The following RBFOX1 variants were observed in gnomAD, a reference collection of about 807,000 sequenced individuals.
RBFOX1 encodes the protein RNA binding protein fox-1 homolog 1.
In RBFOX1, 8 loss-of-function variants were observed where a neutral mutation model predicts 57.7. That is an observed-to-expected ratio of 0.14 (90% CI 0.08 to 0.25). The LOEUF is 0.25. Among genes scored for constraint, RBFOX1 ranks in the 10% least tolerant of loss-of-function variants. RBFOX1 has a pLI of 1.00. For missense variants in RBFOX1, 611 were observed against 548.5 expected (o/e 1.11, Z -1.14); for synonymous variants, 326 against 222.4 (o/e 1.47, Z -4.15).
chr16:6,731,110 C>T (rs1325859986), intron 3 of RBFOX1, among the ~76,000 whole-genome samples: 1 of 152,072 alleles, frequency 6.6e-6, no homozygotes, highest in Admixed American at 6.5e-5. Context: ...ATATTCCTCC[C>T]TTGGAAAGCC....
At chr16:6,928,190 TA>T (rs1385242207) in intron 3 of RBFOX1, among the ~76,000 whole-genome samples, 1 of 152,116 alleles carries the variant, frequency 6.6e-6, no homozygotes, top group Non-Finnish European at 1.5e-5. Context: ...TGGGGAGTGT[TA>T]GAAAAGATTG....
chr16:7,165,657 G>A (rs1002001292), intron 4 of RBFOX1, among the ~76,000 whole-genome samples: 1 of 151,658 alleles, frequency 6.6e-6, no homozygotes, highest in African/African-American at 2.4e-5. Flanking sequence ...TCAAACTCCC[G>A]ATCTCAGGTG....
chr16:6,885,616 C>T (rs915593842), intron 3 of RBFOX1, among the ~76,000 whole-genome samples: 6 of 152,068 alleles, frequency 3.9e-5, no homozygotes, highest in Non-Finnish European at 8.8e-5. Flanking sequence ...ACTGCCACCT[C>T]TGCCTCCTGA....
rs1308377042 is a variant in RBFOX1, at chr16:5,680,124, G to A, written c.318+81163G>A. On this transcript the variant is annotated intron_variant, in intron 3 of 19. Transcript: ENST00000641259. ...TCAGAAGAGGGACATCATGAGACTGGCAGAGGAGAAGGAAGATATGTGTGG... is the reference window on the plus strand; with the variant it reads ...TCAGAAGAGGGACATCATGAGACTGACAGAGGAGAAGGAAGATATGTGTGG... Among the ~76,000 whole-genome samples, 3 of 152,184 alleles carry A rather than the reference G, an allele frequency of 2.0e-5. No homozygotes were observed. In the East Asian group the frequency reaches 5.8e-4, roughly 29 times the overall value.
intron 4 of RBFOX1, among the ~76,000 whole-genome samples, chr16:7,506,561 A>G (rs2073367383): frequency 6.6e-6 from 1 of 151,762 alleles, no homozygotes; most frequent in Non-Finnish European, 1.5e-5. Flanking sequence ...CATCACCATC[A>G]CCATTATTAC....
intron 3 of RBFOX1, among the ~76,000 whole-genome samples, chr16:5,737,520 C>A (rs1478408705): frequency 7.3e-6 from 1 of 136,626 alleles, no homozygotes. Context: ...CAAAAATATT[C>A]TGGATTTTTT....
intron 3 of RBFOX1, among the ~76,000 whole-genome samples, chr16:7,018,577 CT>C (rs1245459598): frequency 6.6e-6 from 1 of 152,052 alleles, no homozygotes; most frequent in Non-Finnish European, 1.5e-5. Flanking sequence ...ATTTATAATC[CT>C]TTGGGTATTT....
chr16:6,821,584 G>A (rs574883339), intron 3 of RBFOX1, among the ~76,000 whole-genome samples: 2 of 152,214 alleles, frequency 1.3e-5, no homozygotes, highest in East Asian at 3.9e-4. Context: ...GTAACCACTG[G>A]TCGGTCTGTC....
At chr16:5,703,441 A>G (rs1341976525) in intron 3 of RBFOX1, among the ~76,000 whole-genome samples, 1 of 152,238 alleles carries the variant, frequency 6.6e-6, no homozygotes, top group Admixed American at 6.5e-5. Context: ...ACTGGAGCCC[A>G]GAGGGCAAGC....
At chr16:6,669,718 C>CA (rs1294356417) in intron 3 of RBFOX1, among the ~76,000 whole-genome samples, 3 of 152,184 alleles carry the variant, frequency 2.0e-5, no homozygotes, top group Non-Finnish European at 4.4e-5. Context: ...ATTTCCTTTT[C>CA]AACTGAAAGG....
chr16:7,095,202 T>C (rs1194831963), intron 4 of RBFOX1, among the ~76,000 whole-genome samples: 1 of 152,180 alleles, frequency 6.6e-6, no homozygotes, highest in Non-Finnish European at 1.5e-5. Flanking sequence ...AGTGGCACGA[T>C]CTCAGCTCAC....
intron 2 of RBFOX1, among the ~76,000 whole-genome samples, chr16:5,526,819 G>A (rs1210558668): frequency 6.6e-6 from 1 of 152,134 alleles, no homozygotes; most frequent in African/African-American, 2.4e-5. Context: ...CAGGAAGCGT[G>A]TTATTGTTCA....
At chr16:7,260,763 G>T (rs975900454) in intron 4 of RBFOX1, among the ~76,000 whole-genome samples, 1 of 152,144 alleles carries the variant, frequency 6.6e-6, no homozygotes, top group Non-Finnish European at 1.5e-5. Context: ...AACACACAGG[G>T]ACTGATTCCC....
chr16:6,717,312 T>G (rs2065025680), intron 3 of RBFOX1, among the ~76,000 whole-genome samples: 1 of 152,180 alleles, frequency 6.6e-6, no homozygotes. Context: ...AGCCTTGAAC[T>G]TATCAGCTTT....
At chr16:5,427,497 A>G (rs558637410) in intron 1 of RBFOX1, among the ~76,000 whole-genome samples, 1 of 152,264 alleles carries the variant, frequency 6.6e-6, no homozygotes, top group African/African-American at 2.4e-5. Flanking sequence ...AGGCAGAAGA[A>G]TTATTTGAAC....
At chr16:7,378,210 G>C (rs1326296736) in intron 4 of RBFOX1, among the ~76,000 whole-genome samples, 3 of 152,192 alleles carry the variant, frequency 2.0e-5, no homozygotes, top group African/African-American at 4.8e-5. Context: ...TATGCAGGAA[G>C]CTGCGATGAG....
chr16:6,710,586 A>C (rs983530439), intron 3 of RBFOX1, among the ~76,000 whole-genome samples: 3 of 152,372 alleles, frequency 2.0e-5, no homozygotes, highest in Middle Eastern at 3.4e-3. Context: ...CCGGAATAGT[A>C]CCATTTGCAA....
intron 2 of RBFOX1, among the ~76,000 whole-genome samples, chr16:6,650,820 C>G (rs1301805762): frequency 2.0e-5 from 3 of 152,154 alleles, no homozygotes; most frequent in African/African-American, 7.2e-5. Flanking sequence ...AGAGAAAACC[C>G]CACTGCCTCT....
chr16:7,537,674 G>C (rs1507022), intron 5 of RBFOX1, among the ~76,000 whole-genome samples: 1 of 152,100 alleles, frequency 6.6e-6, no homozygotes, highest in South Asian at 2.1e-4. Flanking sequence ...TCAGGAAATG[G>C]TGGCTTCTAA....
Sources: allele counts gnomAD v4.1 joint callset (sites outside exome capture counted in the v4.1 genomes callset), GRCh38; gene constraint gnomAD v4.1.1; transcripts MANE v1.5; gene names NCBI Gene and HGNC (gene_info 2026-07-23, HGNC 2026-07-21).